Variants in GABRA2 observed in about 807,000 individuals in gnomAD.
GABRA2 encodes gamma-aminobutyric acid type A receptor subunit alpha2.
In GABRA2, 16 loss-of-function variants were observed where a neutral mutation model predicts 48.7. The ratio of observed to expected loss-of-function variants is 0.33; its 90% CI spans 0.22 to 0.50. The LOEUF is 0.50. Among genes scored for constraint, GABRA2 ranks in the 20% least tolerant of loss-of-function variants. The probability of loss-of-function intolerance (pLI) is 0.98; values close to 1 mark genes in which losing one functional copy is unlikely to be tolerated. For missense variants in GABRA2, 275 were observed against 535.6 expected (o/e 0.51, Z 4.80); for synonymous variants, 185 against 184.5 (o/e 1.00, Z -0.02).
At chr4:46,353,823 T>C (rs528093030) in intron 3 of GABRA2, among the ~76,000 whole-genome samples, 1 of 152,260 alleles carries the variant, frequency 6.6e-6, no homozygotes, top group East Asian at 1.9e-4. Context: ...TATTTATTTT[T>C]ATTTTCTCCG....
At chr4:46,371,142 T>C (rs1259789262) in intron 3 of GABRA2, among the ~76,000 whole-genome samples, 2 of 152,184 alleles carry the variant, frequency 1.3e-5, no homozygotes, top group Non-Finnish European at 2.9e-5. Context: ...TAAAGGCTTT[T>C]TCTCCTCTTA....
intron 8 of GABRA2, among the ~76,000 whole-genome samples, chr4:46,279,363 GTATC>G (rs1184462117): frequency 1.3e-5 from 2 of 152,042 alleles, no homozygotes; most frequent in African/African-American, 4.8e-5. Context: ...ATATCTGTCT[GTATC>G]TATTACCTCT....
At chr4:46,364,591 T>A (rs1713746232) in intron 3 of GABRA2, 1 of 152,200 alleles carries the variant, frequency 6.6e-6, no homozygotes, top group Admixed American at 6.5e-5. Context: ...CAAATCTAGT[T>A]CCTTGCAGCT....
chr4:46,315,292 A>G (rs777918315), intron 4 of GABRA2, among the ~76,000 whole-genome samples: 1 of 151,866 alleles, frequency 6.6e-6, no homozygotes, highest in African/African-American at 2.4e-5. Flanking sequence ...TCTTTTATGC[A>G]GTGTCTGTTC....
chr4:46,290,001 T>C (rs1202227385), intron 8 of GABRA2, among the ~76,000 whole-genome samples: 2 of 150,296 alleles, frequency 1.3e-5, no homozygotes, highest in Non-Finnish European at 3.0e-5. Flanking sequence ...AAGACCCGCC[T>C]CCCGGGTTCA....
intron 4 of GABRA2, among the ~76,000 whole-genome samples, chr4:46,320,837 G>T (rs1729327920): frequency 6.6e-6 from 1 of 151,802 alleles, no homozygotes; most frequent in Non-Finnish European, 1.5e-5. Flanking sequence ...AAACAATATT[G>T]ATATTCCTCA....
At chr4:46,324,447 G>C (rs574296298) in intron 4 of GABRA2, among the ~76,000 whole-genome samples, 6 of 151,968 alleles carry the variant, frequency 3.9e-5, no homozygotes, top group Non-Finnish European at 8.8e-5. Flanking sequence ...GTTCTTTGTG[G>C]CTTTCCCAAA....
At position 46,389,805 on chromosome 4, in the gene GABRA2, GAGAGAGAGAGAGAGAGAGAGAGAGAGAGA is replaced by G. The variant is rs1717991515; in HGVS notation, c.-110_-82del. 4.5e-6 allele frequency: 1 copy of G among 220,830 alleles called. No homozygotes were observed. The highest frequency in any genetic ancestry group is 5.2e-6 in the Non-Finnish European group (1 of 193,616). 13.7% of individuals were successfully genotyped at this position (220,830 alleles called of 1,614,324 possible). A position where few individuals can be genotyped will look rare whatever the true frequency, so the allele number is the denominator to read the frequency against. ...TCTTGACGAGATAGGAAACTTGGGA[GAGAGAGAGAGAGAGAGAGAGAGAGAGAGA>G]GAGAGAGAGAGAGAGAGAGAGAGAG... On this transcript the variant is annotated 5_prime_UTR_variant, in exon 1 of 10. Coordinates refer to ENST00000381620, the MANE Select transcript of GABRA2 (RefSeq NM_000807.4).
Position 46,249,236 on chromosome 4 carries a change from A to C in GABRA2, c.*1072T>G, listed in dbSNP as rs534274027. The C allele has an allele frequency of 6.6e-6, 1 of 151,640 alleles. No individual in the cohort carries two copies. The highest frequency in any genetic ancestry group is 2.0e-4 in the East Asian group (1 of 5,114). The allele number at this position is 151,640 out of a possible 1,614,324, so 9.4% of individuals were successfully genotyped here. ...CAGATTTACATTAATTCTTATCTGA[A>C]AGAACTGCTTTCACAAGAGAAAAAT... On this transcript the variant is annotated 3_prime_UTR_variant, in exon 10 of 10. Transcript: ENST00000381620.
intron 8 of GABRA2, among the ~76,000 whole-genome samples, chr4:46,288,408 G>C (rs528811310): frequency 3.3e-5 from 5 of 152,048 alleles, no homozygotes; most frequent in South Asian, 4.1e-4. Flanking sequence ...CTGCAAACAG[G>C]CTTCGTACCT....
intron 4 of GABRA2, among the ~76,000 whole-genome samples, chr4:46,328,521 TTC>T (rs1730786517): frequency 6.6e-6 from 1 of 152,094 alleles, no homozygotes; most frequent in Non-Finnish European, 1.5e-5. Context: ...TTTATTTTTT[TTC>T]TTATTAACAA....
chr4:46,359,926 A>C (rs1040106796), intron 3 of GABRA2, among the ~76,000 whole-genome samples: 16 of 151,662 alleles, frequency 1.1e-4, no homozygotes, highest in East Asian at 3.9e-4. Flanking sequence ...CAAAAAACAA[A>C]AAAAAAAAAG....
intron 8 of GABRA2, among the ~76,000 whole-genome samples, chr4:46,284,222 T>C (rs543414904): frequency 9.7e-4 from 148 of 152,296 alleles, no homozygotes; most frequent in African/African-American, 2.9e-3. Context: ...CAATTATGTT[T>C]TTTATATAAG....
intron 8 of GABRA2, among the ~76,000 whole-genome samples, chr4:46,289,909 T>TTC (rs1237909690): frequency 6.9e-6 from 1 of 144,122 alleles, no homozygotes; most frequent in African/African-American, 2.7e-5. Flanking sequence ...ATTTATTTAT[T>TTC]TTTATTTTTT....
intron 8 of GABRA2, among the ~76,000 whole-genome samples, chr4:46,289,362 G>A (rs150197252): frequency 1.4e-4 from 22 of 152,270 alleles, no homozygotes; most frequent in Non-Finnish European, 2.2e-4. Flanking sequence ...GGAATACTAC[G>A]CAGCTATAAA....
At chr4:46,389,707 C>T (rs1717966944) in intron 1 of GABRA2, 28 bp downstream of exon 1, 1 of 982,002 alleles carries the variant, frequency 1.0e-6, no homozygotes, top group African/African-American at 1.8e-5. Context: ...GAAAGTGTCT[C>T]TATCGGGACC....
At chr4:46,357,314 T>C (rs1736149363) in intron 3 of GABRA2, among the ~76,000 whole-genome samples, 5 of 150,782 alleles carry the variant, frequency 3.3e-5, no homozygotes, top group Admixed American at 1.3e-4. Flanking sequence ...TTTATTTGGC[T>C]TGGGGTTCAG....
intron 2 of GABRA2, among the ~76,000 whole-genome samples, chr4:46,387,318 CT>C (rs1425659750): frequency 2.6e-5 from 4 of 152,130 alleles, no homozygotes; most frequent in African/African-American, 4.8e-5. Flanking sequence ...TAATTACATT[CT>C]GATCAAGGTG....
At chr4:46,333,777 A>G (rs773535049) in intron 3 of GABRA2, among the ~76,000 whole-genome samples, 1 of 152,102 alleles carries the variant, frequency 6.6e-6, no homozygotes, top group African/African-American at 2.4e-5. Flanking sequence ...ATGCATGTGT[A>G]CAATGATTCA....
Sources: gnomAD v4.1 joint callset for allele counts (sites outside exome capture counted in the v4.1 genomes callset) on GRCh38, gnomAD v4.1.1 for gene constraint, MANE v1.5 for transcripts, NCBI Gene and HGNC (gene_info 2026-07-23, HGNC 2026-07-21) for gene names.